Variants in SLC39A10 observed in about 807,000 individuals in gnomAD.
The protein encoded by SLC39A10 is solute carrier family 39 member 10, also known as zinc transporter ZIP10.
Under a neutral mutation model 65.1 loss-of-function variants are expected in SLC39A10, and 13 were observed. The ratio of observed to expected loss-of-function variants is 0.20; its 90% CI spans 0.13 to 0.32. The LOEUF (loss-of-function observed/expected upper bound fraction) is 0.32. SLC39A10 is among the 10% of genes least tolerant of loss of function. The probability of loss-of-function intolerance (pLI) is 1.00; values close to 1 mark genes in which losing one functional copy is unlikely to be tolerated. For missense variants in SLC39A10, 831 were observed against 1,018.4 expected (o/e 0.82, Z 2.50); for synonymous variants, 321 against 342.2 (o/e 0.94, Z 0.68).
rs528719816 is a variant in SLC39A10, at chr2:195,619,736, GA to G, written c.-12+13512del. On this transcript the variant is annotated intron_variant, in intron 2 of 2. Transcript: ENST00000458054. ...GGAGCATGTAATGAAAATAAAAAAA[GA>G]AAAAAAAACTAAACTAAAGCTGACA... 2.9e-3 allele frequency among the ~76,000 whole-genome samples: 444 copies of G among 150,612 alleles called. 2 individuals carry two copies. The highest frequency in any genetic ancestry group is 0.01 in the African/African-American group (422 of 41,068).
intron 1 of SLC39A10, among the ~76,000 whole-genome samples, chr2:195,674,837 T>C (rs569765427): frequency 2.7e-5 from 4 of 149,644 alleles, no homozygotes; most frequent in Non-Finnish European, 6.0e-5. Flanking sequence ...CTGAATACTG[T>C]AGGCAGTTGT....
chr2:195,704,030 A>T (rs982061022), intron 3 of SLC39A10, among the ~76,000 whole-genome samples: 3 of 152,206 alleles, frequency 2.0e-5, no homozygotes, highest in African/African-American at 7.2e-5. Context: ...TGATTAATAA[A>T]AATTTCTAAT....
Position 195,706,743 on chromosome 2 carries a change from A to G in SLC39A10, c.1344A>G (p.Val448=). 1 of 1,597,824 alleles carries G rather than the reference A, an allele frequency of 6.3e-7. No individual in the cohort carries two copies. Among genetic ancestry groups the G allele is most frequent in the Non-Finnish European group, 8.5e-7 (1 of 1,173,122 alleles). The stretch of plus-strand genomic sequence containing the variant: ...TTACATTCCTTGTTGCATTAGCTGT[A>G]GGAACAATGAGTGGAGACGCCCTTC... ...FLLTFLVALA[V]GTMSGDALLH... The change falls in exon 4 of 10, where the codon GTA becomes GTG. Residue 448 remains valine (V), a synonymous_variant. Coordinates refer to ENST00000359634, the MANE Select transcript of SLC39A10 (RefSeq NM_020342.3).
intron 1 of SLC39A10, among the ~76,000 whole-genome samples, chr2:195,673,283 C>T (rs1378132757): frequency 6.6e-6 from 1 of 152,038 alleles, no homozygotes. Context: ...CTCAGATGAT[C>T]CTCCTACCTT....
chr2:195,648,239 C>G (rs910488326), intron 2 of SLC39A10, among the ~76,000 whole-genome samples: 1 of 151,562 alleles, frequency 6.6e-6, no homozygotes, highest in South Asian at 2.1e-4. Flanking sequence ...CTCAAGCGAT[C>G]CTCCCATCTT....
At chr2:195,684,350 G>GA (rs762419014) in intron 3 of SLC39A10, among the ~76,000 whole-genome samples, 1 of 152,050 alleles carries the variant, frequency 6.6e-6, no homozygotes, top group Non-Finnish European at 1.5e-5. Flanking sequence ...GAATGTCTGG[G>GA]AAATGCCTAA....
chr2:195,714,650 AAAC>A (rs1211908961), intron 6 of SLC39A10, among the ~76,000 whole-genome samples: 1 of 152,228 alleles, frequency 6.6e-6, no homozygotes, highest in African/African-American at 2.4e-5. Flanking sequence ...AAAGGGGAAA[AAAC>A]AACATAATTT....
chr2:195,723,853 A>G (rs1692139937), intron 8 of SLC39A10, among the ~76,000 whole-genome samples: 1 of 152,156 alleles, frequency 6.6e-6, no homozygotes, highest in Non-Finnish European at 1.5e-5. Flanking sequence ...CCCACACCTC[A>G]GCATCACATA....
chr2:195,675,891 T>A (rs916955785), intron 1 of SLC39A10, among the ~76,000 whole-genome samples: 1 of 151,982 alleles, frequency 6.6e-6, no homozygotes, highest in African/African-American at 2.4e-5. Context: ...ACGCATAAGG[T>A]AGTTTGTTTC....
At chr2:195,660,372 G>A (rs903470685) in intron 1 of SLC39A10, among the ~76,000 whole-genome samples, 7 of 152,098 alleles carry the variant, frequency 4.6e-5, no homozygotes, top group African/African-American at 7.2e-5. Context: ...CCTTTATAAC[G>A]GAAGTTTTAT....
chr2:195,710,061 A>T (rs1402086156), intron 5 of SLC39A10, among the ~76,000 whole-genome samples: 3 of 152,220 alleles, frequency 2.0e-5, no homozygotes, highest in Admixed American at 1.3e-4. Flanking sequence ...TTTGGAGATG[A>T]TGCTTGACGC....
intron 1 of SLC39A10, among the ~76,000 whole-genome samples, chr2:195,677,169 C>T (rs1216190143): frequency 6.6e-6 from 1 of 152,174 alleles, no homozygotes; most frequent in Non-Finnish European, 1.5e-5. Context: ...ATTTACATAA[C>T]TACTACTGAT....
rs576126430 is a variant in SLC39A10, at chr2:195,663,701, TG to T, written c.-12+6421del. Reference sequence around the variant, plus strand: ...TGGTGTTTCAAGAATATAGAAGTTATGAAAAAAAAAGAAATAAGAGAAAAGT... The same window carrying T: ...TGGTGTTTCAAGAATATAGAAGTTATAAAAAAAAAGAAATAAGAGAAAAGT... On this transcript the variant is annotated intron_variant, in intron 1 of 9. Coordinates refer to ENST00000359634, the MANE Select transcript of SLC39A10 (RefSeq NM_020342.3). 2.5e-3 allele frequency among the ~76,000 whole-genome samples: 250 copies of T among 100,966 alleles called. 2 individuals carry two copies. The highest frequency in any genetic ancestry group is 7.6e-3 in the African/African-American group (239 of 31,568). The allele number at this position is 100,966 out of a possible 152,430, so 66.2% of individuals were successfully genotyped here. A position where few individuals can be genotyped will look rare whatever the true frequency, so the allele number is the denominator to read the frequency against.
chr2:195,636,191 T>C (rs1166825069), intron 2 of SLC39A10, among the ~76,000 whole-genome samples: 2 of 152,220 alleles, frequency 1.3e-5, no homozygotes, highest in African/African-American at 2.4e-5. Flanking sequence ...TGTATGAGAC[T>C]CAATATACAT....
intron 1 of SLC39A10, among the ~76,000 whole-genome samples, chr2:195,673,162 T>G (rs902114130): frequency 1.3e-5 from 2 of 152,186 alleles, no homozygotes; most frequent in African/African-American, 4.8e-5. Context: ...GATCATAACA[T>G]TCAGTTGACT....
intron 1 of SLC39A10, 26 bp downstream of exon 1, chr2:195,657,307 A>T: frequency 1.2e-6 from 1 of 850,026 alleles, no homozygotes; most frequent in Non-Finnish European, 1.4e-6. Flanking sequence ...CGATTTGTTT[A>T]CATTCCCTCC....
intron 9 of SLC39A10, among the ~76,000 whole-genome samples, chr2:195,730,583 C>T (rs1378698615): frequency 1.3e-5 from 2 of 152,226 alleles, no homozygotes; most frequent in Non-Finnish European, 2.9e-5. Context: ...GGATCCTCCT[C>T]TTCTCCCCCT....
chr2:195,660,108 G>A (rs1689328084), intron 1 of SLC39A10, among the ~76,000 whole-genome samples: 1 of 152,138 alleles, frequency 6.6e-6, no homozygotes, highest in South Asian at 2.1e-4. Context: ...ACATGAATAT[G>A]CAGAGCTTGT....
chr2:195,649,688 T>G (rs1413620120), intron 2 of SLC39A10, among the ~76,000 whole-genome samples: 1 of 152,256 alleles, frequency 6.6e-6, no homozygotes, highest in African/African-American at 2.4e-5. Flanking sequence ...TTTTGAAGTT[T>G]GCCATATTCA....
Sources: allele counts gnomAD v4.1 joint callset (sites outside exome capture counted in the v4.1 genomes callset), GRCh38; gene constraint gnomAD v4.1.1; transcripts MANE v1.5; gene names NCBI Gene and HGNC (gene_info 2026-07-23, HGNC 2026-07-21).